MAPK8: variants seen among roughly 807,000 people sequenced by gnomAD.
MAPK8 encodes JUN N-terminal kinase.
Under a neutral mutation model 52.9 loss-of-function variants are expected in MAPK8, and 13 were observed. The ratio of observed to expected loss-of-function variants is 0.25; its 90% CI spans 0.16 to 0.39. The LOEUF is 0.39. Ranked by LOEUF, MAPK8 falls within the 10% of genes least tolerant of loss-of-function variation. The pLI is 1.00. For synonymous variants in MAPK8, 191 were observed against 169.8 expected, an observed-to-expected ratio of 1.12 and a Z score of -0.97; for missense variants, 300 against 519.2, an observed-to-expected ratio of 0.58 and a Z score of 4.10.
chr10:48,339,752 A>G (rs1737269361), intron 1 of MAPK8, among the ~76,000 whole-genome samples: 3 of 152,256 alleles, frequency 2.0e-5, no homozygotes, highest in Admixed American at 2.0e-4. Flanking sequence ...AAGGACATGA[A>G]CAGACCTTCT....
chr10:48,320,425 C>T (rs1486899153), intron 1 of MAPK8, among the ~76,000 whole-genome samples: 1 of 151,240 alleles, frequency 6.6e-6, no homozygotes, highest in Non-Finnish European at 1.5e-5. Flanking sequence ...TTTGTAGAGG[C>T]AGGCTCTCCC....
intron 1 of MAPK8, among the ~76,000 whole-genome samples, chr10:48,384,939 C>CT (rs2041221007): frequency 6.6e-6 from 1 of 152,042 alleles, no homozygotes; most frequent in Non-Finnish European, 1.5e-5. Flanking sequence ...TCCAAGTGGT[C>CT]TTGGGGAGTG....
rs1303240798 is a variant in MAPK8 at position 48,438,948 on chromosome 10, A to G, written c.*3919A>G. The G allele has an allele frequency of 6.6e-6, 1 of 152,182 alleles. No homozygotes were observed. Among genetic ancestry groups the G allele is most frequent in the African/African-American group, 2.4e-5 (1 of 41,442 alleles). The allele number at this position is 152,182 out of a possible 1,614,324, so 9.4% of individuals were successfully genotyped here. On this transcript the variant is annotated 3_prime_UTR_variant, in exon 12 of 12. Transcript: ENST00000374189. Reference sequence around the variant, plus strand: ...GAAATAAATTACTTTTGTAGGCCCAATATTTGGTATATTTTTGAGAAGCTG... The same window carrying G: ...GAAATAAATTACTTTTGTAGGCCCAGTATTTGGTATATTTTTGAGAAGCTG...
intron 10 of MAPK8, among the ~76,000 whole-genome samples, chr10:48,428,214 A>G (rs74828586): frequency 0.023 from 3,450 of 152,200 alleles, 143 homozygotes; most frequent in African/African-American, 0.079. Flanking sequence ...TCATGCTTTG[A>G]TAGTCATGGA....
At chr10:48,376,910 A>G (rs2040697935) in intron 1 of MAPK8, among the ~76,000 whole-genome samples, 1 of 152,190 alleles carries the variant, frequency 6.6e-6, no homozygotes, top group Non-Finnish European at 1.5e-5. Flanking sequence ...ATAAAGACAC[A>G]TGCACATGTA....
chr10:48,329,751 A>G (rs755812616), intron 1 of MAPK8, among the ~76,000 whole-genome samples: 1 of 152,152 alleles, frequency 6.6e-6, no homozygotes, highest in Non-Finnish European at 1.5e-5. Flanking sequence ...TCTAAATTCC[A>G]GTTCTTTGAT....
intron 1 of MAPK8, among the ~76,000 whole-genome samples, chr10:48,399,521 G>A (rs2042052824): frequency 6.6e-6 from 1 of 152,158 alleles, no homozygotes; most frequent in Admixed American, 6.5e-5. Flanking sequence ...TTGTCACCGT[G>A]AATCCCACTC....
chr10:48,381,128 A>G (rs183588871), intron 1 of MAPK8, among the ~76,000 whole-genome samples: 18 of 152,332 alleles, frequency 1.2e-4, no homozygotes, highest in Admixed American at 9.2e-4. Flanking sequence ...CTACCTTTGT[A>G]TCAGTATATT....
intron 1 of MAPK8, among the ~76,000 whole-genome samples, chr10:48,356,016 C>T (rs2132480411): frequency 6.6e-6 from 1 of 152,240 alleles, no homozygotes; most frequent in South Asian, 2.1e-4. Context: ...AAAAACTGAG[C>T]ATTTGCAATT....
chr10:48,369,607 G>A (rs1814416638), intron 1 of MAPK8, among the ~76,000 whole-genome samples: 1 of 152,060 alleles, frequency 6.6e-6, no homozygotes, highest in Non-Finnish European at 1.5e-5. Context: ...AGCCATGAGG[G>A]TAGATGAAAT....
intron 1 of MAPK8, among the ~76,000 whole-genome samples, chr10:48,365,253 G>C (rs1461438709): frequency 6.6e-6 from 1 of 152,064 alleles, no homozygotes; most frequent in Non-Finnish European, 1.5e-5. Context: ...AATACAAAAG[G>C]GGTTTGTTTA....
In MAPK8 at chr10:48,435,056, G is replaced by GCC; in HGVS notation, c.*27_*28insCC. ...TACTTGGGCCATCGGGGGGTGGGAGGGATGGGGAGTCGGTTAGTCATTGAT... is the reference window on the plus strand; with the variant it reads ...TACTTGGGCCATCGGGGGGTGGGAGGCCGATGGGGAGTCGGTTAGTCATTGAT... On this transcript the variant is annotated 3_prime_UTR_variant, in exon 12 of 12. Transcript: ENST00000374189. The GCC allele has an allele frequency of 8.2e-7, 1 of 1,214,556 alleles. No individual in the cohort carries two copies. Among genetic ancestry groups the GCC allele is most frequent in the Non-Finnish European group, 1.1e-6 (1 of 870,322 alleles). The allele number at this position is 1,214,556 out of a possible 1,614,324, so 75.2% of individuals were successfully genotyped here.
intron 1 of MAPK8, among the ~76,000 whole-genome samples, chr10:48,356,089 CAGG>C (rs2132481167): frequency 6.6e-6 from 1 of 152,260 alleles, no homozygotes; most frequent in Admixed American, 6.5e-5. Context: ...GACTCTCAGA[CAGG>C]AGGCCAGAGA....
chr10:48,423,182 C>G (rs1238766589), intron 6 of MAPK8, among the ~76,000 whole-genome samples: 1 of 152,184 alleles, frequency 6.6e-6, no homozygotes, highest in African/African-American at 2.4e-5. Flanking sequence ...AGTGGAGATT[C>G]CAAATTGTCT....
At chr10:48,428,686 A>G (rs1050185040) in intron 10 of MAPK8, among the ~76,000 whole-genome samples, 1 of 152,246 alleles carries the variant, frequency 6.6e-6, no homozygotes, top group Non-Finnish European at 1.5e-5. Context: ...TGTAATGTGC[A>G]TTTGAATATG....
intron 1 of MAPK8, among the ~76,000 whole-genome samples, chr10:48,375,468 C>T (rs1005293422): frequency 6.9e-6 from 1 of 144,748 alleles, no homozygotes; most frequent in Non-Finnish European, 1.5e-5. Context: ...TTGCAGATGA[C>T]ATGATTGTAT....
chr10:48,341,507 GA>G (rs1845258301), intron 1 of MAPK8, among the ~76,000 whole-genome samples: 1 of 152,154 alleles, frequency 6.6e-6, no homozygotes, highest in Non-Finnish European at 1.5e-5. Flanking sequence ...GAAAAAATTA[GA>G]AATGAAACAC....
intron 1 of MAPK8, among the ~76,000 whole-genome samples, chr10:48,328,145 T>C (rs1261915931): frequency 6.6e-6 from 1 of 152,192 alleles, no homozygotes; most frequent in Non-Finnish European, 1.5e-5. Flanking sequence ...GCCTTCCAAG[T>C]AGCTGGGATT....
chr10:48,419,862 C>T (rs1047490174), intron 5 of MAPK8, among the ~76,000 whole-genome samples: 3 of 152,002 alleles, frequency 2.0e-5, no homozygotes, highest in East Asian at 1.9e-4. Flanking sequence ...GTGAGCTTTG[C>T]GATGTCTTTT....
Sources: allele counts gnomAD v4.1 joint callset (sites outside exome capture counted in the v4.1 genomes callset), GRCh38; gene constraint gnomAD v4.1.1; transcripts MANE v1.5; gene names NCBI Gene and HGNC (gene_info 2026-07-23, HGNC 2026-07-21).